TTC34: variants seen among roughly 807,000 people sequenced by gnomAD.
The protein encoded by TTC34 is tetratricopeptide repeat protein 34.
TTC34 carries 44 observed loss-of-function variants against 40.7 expected under a neutral mutation model. The ratio of observed to expected loss-of-function variants is 1.08; its 90% CI spans 0.85 to 1.39. The LOEUF (loss-of-function observed/expected upper bound fraction) is 1.39, where lower values mean the gene tolerates loss of function less well. Among genes scored for constraint, TTC34 ranks in the 40% most tolerant of loss-of-function variants. TTC34 has a pLI of 0.00. For missense variants in TTC34, 884 were observed against 838.0 expected (o/e 1.05, Z -0.68); for synonymous variants, 422 against 398.6 (o/e 1.06, Z -0.70).
chr1:2,683,667 G>T (rs1436875673), intron 6 of TTC34, among the ~76,000 whole-genome samples: 1 of 41,932 alleles, frequency 2.4e-5, no homozygotes, highest in African/African-American at 1.2e-4. Context: ...GGAGCAGCAC[G>T]CTGCACCCCC....
chr1:2,651,833 C>T (rs115187098), intron 6 of TTC34, among the ~76,000 whole-genome samples: 3,687 of 152,180 alleles, frequency 0.024, 58 homozygotes, highest in Middle Eastern at 0.037. Flanking sequence ...CAGCCTGGAA[C>T]GGTACCACCA....
intron 6 of TTC34, among the ~76,000 whole-genome samples, chr1:2,683,801 T>A (rs1185423894): frequency 5.5e-4 from 54 of 98,496 alleles, no homozygotes; most frequent in Non-Finnish European, 8.1e-4. Context: ...CACCCCCAGT[T>A]GAGCATCTGA....
intron 6 of TTC34, chr1:2,775,602 G>C (rs574330202): frequency 6.7e-6 from 1 of 148,674 alleles, no homozygotes; most frequent in African/African-American, 2.6e-5. Flanking sequence ...ACTCACAGGT[G>C]ATGTGACTGC....
intron 6 of TTC34, among the ~76,000 whole-genome samples, chr1:2,685,031 C>A (rs1276464058): frequency 3.4e-5 from 5 of 145,970 alleles, no homozygotes; most frequent in Admixed American, 1.4e-4. Context: ...TGTAACAGCA[C>A]CCACACCCAC....
At chr1:2,797,995 A>G (rs1643726742) in intron 2 of TTC34, among the ~76,000 whole-genome samples, 1 of 151,882 alleles carries the variant, frequency 6.6e-6, no homozygotes, top group African/African-American at 2.4e-5. Context: ...CCATTGTCCC[A>G]GCCTCCCAGT....
At chr1:2,792,076 G>A (rs906263047) in intron 2 of TTC34, among the ~76,000 whole-genome samples, 5 of 135,352 alleles carry the variant, frequency 3.7e-5, no homozygotes, top group African/African-American at 1.1e-4. Flanking sequence ...GAGTGCAGTG[G>A]TGTAAATACG....
In TTC34 at chr1:2,641,265, G is replaced by A. The variant is rs972979787; in HGVS notation, c.*103C>T. 203 of 1,324,854 alleles carry A rather than the reference G, an allele frequency of 1.5e-4. 1 individual carries two copies. The highest frequency in any genetic ancestry group is 1.8e-4 in the Non-Finnish European group (185 of 1,000,962). 82.1% of individuals were successfully genotyped at this position (1,324,854 alleles called of 1,614,324 possible). On this transcript the variant is annotated 3_prime_UTR_variant, in exon 9 of 9. Transcript: ENST00000401095. ...AGGGGGTGTGGAGAGGGCAGGGCAGGTACCTCCCCGATTTAGGGAGCTGGG... is the reference window on the plus strand; with the variant it reads ...AGGGGGTGTGGAGAGGGCAGGGCAGATACCTCCCCGATTTAGGGAGCTGGG...
chr1:2,683,931 A>G (rs1299920841), intron 6 of TTC34, among the ~76,000 whole-genome samples: 2 of 141,442 alleles, frequency 1.4e-5, no homozygotes, highest in African/African-American at 5.6e-5. Context: ...TGAGCATCTG[A>G]TGGTCTGGAG....
rs1193045404 is a variant in TTC34 at position 2,756,026 on chromosome 1, C to T, written c.2226+27583G>A. Among the ~76,000 whole-genome samples, 3 of 89,470 alleles carry T rather than the reference C, an allele frequency of 3.4e-5. 1 individual carries two copies. Among genetic ancestry groups the T allele is most frequent in the Non-Finnish European group, 6.1e-5 (3 of 49,498 alleles). The allele number at this position is 89,470 out of a possible 152,430, so 58.7% of individuals were successfully genotyped here. On this transcript the variant is annotated intron_variant, in intron 6 of 8. Coordinates refer to ENST00000401095, the Ensembl canonical transcript of TTC34. ...GACACCCTGAAACAGCACACACACC[C>T]CCAGGCGAGCATCTGACAACCTGGA...
chr1:2,784,391 G>C (rs1015614893), intron 5 of TTC34, among the ~76,000 whole-genome samples: 12 of 152,222 alleles, frequency 7.9e-5, no homozygotes, highest in African/African-American at 2.9e-4. Flanking sequence ...GACAAGGAAC[G>C]TGACCATTGA....
rs1366098366 is a variant in TTC34 at position 2,748,595 on chromosome 1, C to T, written c.2226+35014G>A. 3.6e-3 allele frequency among the ~76,000 whole-genome samples: 535 copies of T among 150,488 alleles called. 5 individuals are homozygous for T. Among genetic ancestry groups the T allele is most frequent in the African/African-American group, 0.013 (507 of 40,444 alleles). ...AGCATCTGACAGCCTGGAGCAGCAC[C>T]CACACCCCCAGGTGAGCATCTGACA... On this transcript the variant is annotated intron_variant, in intron 6 of 8. Transcript: ENST00000401095.
rs543039968 is a variant in TTC34, at chr1:2,645,221, A to G, written c.2497+72T>C. The G allele has an allele frequency of 7.2e-7, 1 of 1,396,900 alleles. No individual in the cohort carries two copies. Among genetic ancestry groups the G allele is most frequent in the Non-Finnish European group, 9.3e-7 (1 of 1,074,794 alleles). The allele number at this position is 1,396,900 out of a possible 1,614,324, so 86.5% of individuals were successfully genotyped here. ...TCTCTTTCTTCCATTTTTACAGAACAGGATACAGAGGTCAGAGGAGCGGGG... is the reference window on the plus strand; with the variant it reads ...TCTCTTTCTTCCATTTTTACAGAACGGGATACAGAGGTCAGAGGAGCGGGG... On this transcript the variant is annotated intron_variant, in intron 7 of 8. Coordinates refer to ENST00000401095, the Ensembl canonical transcript of TTC34. The surrounding 1 kb of genome is among the most constrained non-coding windows in gnomAD (Gnocchi z 4.7).
chr1:2,686,446 G>A (rs1193502980), intron 6 of TTC34, among the ~76,000 whole-genome samples: 67 of 132,318 alleles, frequency 5.1e-4, no homozygotes, highest in African/African-American at 1.6e-3. Context: ...CACACCCCCA[G>A]GTGAGCATCT....
intron 6 of TTC34, among the ~76,000 whole-genome samples, chr1:2,694,914 T>C (rs1411006753): frequency 0.055 from 327 of 5,962 alleles, 22 homozygotes; most frequent in East Asian, 0.071. Flanking sequence ...ACCCACACAC[T>C]CACGCGAGCA....
chr1:2,691,701 C>A (rs1406216037), intron 6 of TTC34, among the ~76,000 whole-genome samples: 1 of 92,556 alleles, frequency 1.1e-5, no homozygotes, highest in African/African-American at 3.5e-5. Context: ...ACAGCACCCA[C>A]ATCCCCAGGT....
intron 6 of TTC34, among the ~76,000 whole-genome samples, chr1:2,752,492 A>G (rs1247523595): frequency 4.4e-4 from 17 of 38,404 alleles, no homozygotes; most frequent in African/African-American, 4.9e-4. Context: ...GCACCCACAC[A>G]GCCAGGTGAG....
chr1:2,651,681 C>A (rs1266730836), intron 6 of TTC34, among the ~76,000 whole-genome samples: 1 of 151,842 alleles, frequency 6.6e-6, no homozygotes, highest in Non-Finnish European at 1.5e-5. Context: ...ACCCCCACAC[C>A]CAGGTGAGCA....
At chr1:2,750,262 C>T (rs1641271410) in intron 6 of TTC34, among the ~76,000 whole-genome samples, 9 of 137,662 alleles carry the variant, frequency 6.5e-5, no homozygotes, top group Admixed American at 1.5e-4. Context: ...GGGCATCTGA[C>T]AGCCTGGAAA....
intron 6 of TTC34, among the ~76,000 whole-genome samples, chr1:2,769,708 A>T (rs1476942105): frequency 2.5e-3 from 161 of 63,298 alleles, no homozygotes; most frequent in Admixed American, 5.0e-3. Flanking sequence ...AGCAGCACCC[A>T]CACCCCCAGG....
Sources: allele counts gnomAD v4.1 joint callset (sites outside exome capture counted in the v4.1 genomes callset), GRCh38; gene constraint gnomAD v4.1.1; non-coding constraint Gnocchi (gnomAD v3.1); transcripts MANE v1.5; gene names NCBI Gene and HGNC (gene_info 2026-07-23, HGNC 2026-07-21).